Variants in HMGCLL1 observed in about 807,000 individuals in gnomAD.
The protein encoded by HMGCLL1 is 3-hydroxy-3-methylglutaryl-CoA lyase like 1, also known as 3-hydroxymethyl-3-methylglutaryl-CoA lyase, cytoplasmic.
A neutral mutation model predicts 39.1 loss-of-function variants in HMGCLL1; 36 were observed. The observed-to-expected ratio is 0.92, with a 90% CI of 0.71 to 1.22. The LOEUF is 1.22. HMGCLL1 is among the 50% of genes most tolerant of loss of function. HMGCLL1 has a pLI of 0.00. For missense variants in HMGCLL1, 451 were observed against 416.5 expected (o/e 1.08, Z -0.72); for synonymous variants, 149 against 144.0 (o/e 1.03, Z -0.25).
chr6:55,544,853 A>G (rs529169412), intron 1 of HMGCLL1, among the ~76,000 whole-genome samples: 16 of 152,298 alleles, frequency 1.1e-4, no homozygotes, highest in Non-Finnish European at 2.2e-4. Flanking sequence ...GCAGGTTGTG[A>G]TGCATGAAGT....
chr6:55,554,959 T>A (rs911523008), intron 1 of HMGCLL1, among the ~76,000 whole-genome samples: 4 of 152,180 alleles, frequency 2.6e-5, no homozygotes, highest in African/African-American at 4.8e-5. Flanking sequence ...TTATAAGCAA[T>A]CTCTCTACTT....
chr6:55,579,162 G>T lies in HMGCLL1; in HGVS notation c.-107C>A. The T allele has an allele frequency of 1.2e-6, 1 of 828,078 alleles. No individual in the cohort carries two copies. The highest frequency in any genetic ancestry group is 2.0e-6 in the Non-Finnish European group (1 of 504,596). 51.3% of individuals were successfully genotyped at this position (828,078 alleles called of 1,614,324 possible). A position where few individuals can be genotyped will look rare whatever the true frequency, so the allele number is the denominator to read the frequency against. On this transcript the variant is annotated 5_prime_UTR_variant, in exon 1 of 9. Transcript: ENST00000274901. ...CAGCTCGGGAGCGCGCCCCTCCGGT[G>T]CACTGGCTGTGAGGACCAGAGCTGT...
At chr6:55,581,086 A>G (rs531997192), upstream of HMGCLL1, among the ~76,000 whole-genome samples, 1 of 152,334 alleles carries the variant, frequency 6.6e-6, no homozygotes, top group East Asian at 1.9e-4. Flanking sequence ...CTAAACCTCA[A>G]AAAGGATTGG....
the HMGCLL1 span, among the ~76,000 whole-genome samples, chr6:55,666,923 C>A: frequency 7.4e-4 from 112 of 151,280 alleles, 1 homozygote; most frequent in African/African-American, 2.3e-3. Context: ...AGGAAACACT[C>A]ACAATCTTTT....
At chr6:55,652,352 G>A in the HMGCLL1 span, among the ~76,000 whole-genome samples, 2 of 151,746 alleles carry the variant, frequency 1.3e-5, no homozygotes. Flanking sequence ...TTAAAAATCT[G>A]GTAGACATCT....
chr6:55,551,169 C>T (rs1159179114), intron 1 of HMGCLL1, among the ~76,000 whole-genome samples: 1 of 151,702 alleles, frequency 6.6e-6, no homozygotes, highest in East Asian at 1.9e-4. Flanking sequence ...GATCTATAGG[C>T]ATTCATTTGA....
intron 3 of HMGCLL1, among the ~76,000 whole-genome samples, chr6:55,529,663 G>A (rs999432730): frequency 4.6e-5 from 7 of 152,054 alleles, no homozygotes; most frequent in Non-Finnish European, 8.8e-5. Context: ...TGGTTACTAA[G>A]TTCTATTTTA....
Position 55,499,265 on chromosome 6 carries a change from C to T in HMGCLL1, c.577G>A (p.Gly193Arg). Residue 193 changes from glycine (G) to arginine (R), a missense_variant, in exon 6 of 9, where the codon GGA becomes AGA. Gly to Arg is a moderately radical substitution (Grantham distance 125, BLOSUM62 -2). Transcript: ENST00000274901. Reference protein sequence around the residue: ...VSCALGCPYEGSITPQKVTEV... With the variant: ...VSCALGCPYERSITPQKVTEV... ...GTCACTTTTTGCGGTGTAATACTTC[C>T]TTCATATGGACAGCCCAGAGCACAA... 9.9e-6 allele frequency: 16 copies of T among 1,610,526 alleles called. No individual in the cohort carries two copies. The highest frequency in any genetic ancestry group is 1.4e-5 in the Non-Finnish European group (16 of 1,178,110).
At chr6:55,447,973 G>A (rs1763927821) in intron 7 of HMGCLL1, among the ~76,000 whole-genome samples, 1 of 152,142 alleles carries the variant, frequency 6.6e-6, no homozygotes, top group African/African-American at 2.4e-5. Context: ...CCAGGAGGCA[G>A]GGTGTGAATT....
chr6:55,645,641 A>G, the HMGCLL1 span, among the ~76,000 whole-genome samples: 15 of 152,012 alleles, frequency 9.9e-5, no homozygotes, highest in African/African-American at 3.6e-4. Context: ...CCTTTTCAGA[A>G]TGAATTGAAA....
chr6:55,576,625 C>A, intron 1 of HMGCLL1, among the ~76,000 whole-genome samples: 1 of 152,068 alleles, frequency 6.6e-6, no homozygotes, highest in African/African-American at 2.4e-5. Flanking sequence ...GCCCAGTCAT[C>A]CATATGAGAG....
chr6:55,523,165 C>T (rs547430553), intron 3 of HMGCLL1, among the ~76,000 whole-genome samples: 1 of 152,014 alleles, frequency 6.6e-6, no homozygotes, highest in African/African-American at 2.4e-5. Context: ...GTCTCCACTC[C>T]ACCTATCTGA....
chr6:55,563,845 T>C (rs1299984069), intron 1 of HMGCLL1: 7 of 1,283,310 alleles, frequency 5.5e-6, no homozygotes, highest in Non-Finnish European at 7.1e-6. Flanking sequence ...AGAGGTGCCC[T>C]CAAATATGAT....
chr6:55,578,582 A>G (rs1771868220), intron 1 of HMGCLL1, among the ~76,000 whole-genome samples: 1 of 152,202 alleles, frequency 6.6e-6, no homozygotes, highest in Non-Finnish European at 1.5e-5. Flanking sequence ...GTTACACAGT[A>G]CAAGGAGCAC....
intron 7 of HMGCLL1, among the ~76,000 whole-genome samples, chr6:55,445,994 T>A (rs1421722750): frequency 1.3e-5 from 2 of 151,896 alleles, no homozygotes; most frequent in East Asian, 3.9e-4. Flanking sequence ...CACATGAAAA[T>A]GTGGTTCAAT....
intron 7 of HMGCLL1, among the ~76,000 whole-genome samples, chr6:55,447,785 A>G (rs1042658907): frequency 6.6e-6 from 1 of 152,130 alleles, no homozygotes; most frequent in Non-Finnish European, 1.5e-5. Context: ...AGGTTCATGA[A>G]GGGCAAGTGA....
the HMGCLL1 span, among the ~76,000 whole-genome samples, chr6:55,627,456 G>A: frequency 6.6e-6 from 1 of 151,922 alleles, no homozygotes; most frequent in Non-Finnish European, 1.5e-5. Flanking sequence ...GATTATGTAT[G>A]ATCTCAGGAG....
chr6:55,533,350 A>G (rs2127450058), intron 3 of HMGCLL1, among the ~76,000 whole-genome samples: 1 of 152,136 alleles, frequency 6.6e-6, no homozygotes, highest in East Asian at 1.9e-4. Flanking sequence ...TTCATTCAAT[A>G]AGAGATAAGT....
chr6:55,674,934 G>A, the HMGCLL1 span, among the ~76,000 whole-genome samples: 3 of 151,890 alleles, frequency 2.0e-5, no homozygotes, highest in Non-Finnish European at 4.4e-5. Flanking sequence ...TTTTGGAAGT[G>A]GAAAGAAATG....
Sources: allele counts gnomAD v4.1 joint callset (sites outside exome capture counted in the v4.1 genomes callset), GRCh38; gene constraint gnomAD v4.1.1; transcripts MANE v1.5; gene names NCBI Gene and HGNC (gene_info 2026-07-23, HGNC 2026-07-21).